DTNA: variants seen among roughly 807,000 people sequenced by gnomAD.
DTNA encodes dystrophin-related protein 3.
DTNA carries 43 observed loss-of-function variants against 100.7 expected under a neutral mutation model. The observed-to-expected ratio is 0.43, with a 90% CI of 0.33 to 0.55. The LOEUF (loss-of-function observed/expected upper bound fraction) is 0.55. DTNA is among the 20% of genes least tolerant of loss of function. The pLI is 0.04. For synonymous variants in DTNA, 349 were observed against 347.9 expected (o/e 1.00, Z -0.04); for missense variants, 798 against 953.9 (o/e 0.84, Z 2.15).
chr18:34,627,250 C>G (rs2057449023), intron 1 of DTNA, among the ~76,000 whole-genome samples: 1 of 151,936 alleles, frequency 6.6e-6, no homozygotes. Context: ...TTGGTCAAAA[C>G]AAACAAACAA....
chr18:34,667,568 A>G (rs1460684081), intron 1 of DTNA, among the ~76,000 whole-genome samples: 1 of 152,144 alleles, frequency 6.6e-6, no homozygotes, highest in Non-Finnish European at 1.5e-5. Flanking sequence ...GTTTGTCATA[A>G]ATAGCTCTTA....
chr18:34,665,644 A>G (rs563727300), intron 1 of DTNA, among the ~76,000 whole-genome samples: 216 of 152,144 alleles, frequency 1.4e-3, no homozygotes, highest in African/African-American at 4.8e-3. Flanking sequence ...TCATTGTTCA[A>G]TTCCCACCTA....
intron 1 of DTNA, among the ~76,000 whole-genome samples, chr18:34,530,340 T>G (rs1025119324): frequency 1.3e-5 from 2 of 152,130 alleles, no homozygotes; most frequent in Admixed American, 1.3e-4. Flanking sequence ...CTGTTCATGC[T>G]CCATCATTCT....
chr18:34,496,594 G>C (rs999329734), intron 1 of DTNA, among the ~76,000 whole-genome samples: 1 of 152,080 alleles, frequency 6.6e-6, no homozygotes, highest in Non-Finnish European at 1.5e-5. Flanking sequence ...CTTTTTTCCA[G>C]GTGTGGGGTG....
rs574185262 is a variant in DTNA, at chr18:34,809,909, T to C, written c.449-2050T>C. Reference sequence around the variant, plus strand: ...CCCTGTGTAATTCCAGGGAGCATCATTGACACAGCTTAGGAGATGAAGGGC... The same window carrying C: ...CCCTGTGTAATTCCAGGGAGCATCACTGACACAGCTTAGGAGATGAAGGGC... On this transcript the variant is annotated intron_variant, in intron 5 of 22. Transcript: ENST00000444659. 5.9e-5 allele frequency among the ~76,000 whole-genome samples: 9 copies of C among 152,326 alleles called. No individual in the cohort carries two copies. The East Asian group carries it at 1.4e-3, about 23-fold the overall frequency.
intron 1 of DTNA, among the ~76,000 whole-genome samples, chr18:34,501,714 A>G (rs1246173721): frequency 6.6e-6 from 1 of 152,108 alleles, no homozygotes; most frequent in East Asian, 1.9e-4. Flanking sequence ...ACAGAAATGT[A>G]TTTCCTCACA....
chr18:34,878,733 T>C (rs961404800), intron 19 of DTNA, among the ~76,000 whole-genome samples: 1 of 152,236 alleles, frequency 6.6e-6, no homozygotes, highest in Admixed American at 6.5e-5. Context: ...ATCCTTTTAA[T>C]ACTACAAAGA....
At chr18:34,563,521 A>C (rs900685418) in intron 1 of DTNA, among the ~76,000 whole-genome samples, 3 of 152,196 alleles carry the variant, frequency 2.0e-5, no homozygotes, top group Admixed American at 1.3e-4. Flanking sequence ...TTTATGTTTT[A>C]AGAGTATTCT....
intron 1 of DTNA, among the ~76,000 whole-genome samples, chr18:34,716,974 A>G (rs1424170410): frequency 2.0e-5 from 3 of 152,324 alleles, no homozygotes; most frequent in Non-Finnish European, 4.4e-5. Flanking sequence ...TAAATAGGGT[A>G]TACATTCCAA....
At chr18:34,724,205 A>G (rs1486746119) in intron 1 of DTNA, among the ~76,000 whole-genome samples, 1 of 152,200 alleles carries the variant, frequency 6.6e-6, no homozygotes, top group Non-Finnish European at 1.5e-5. Context: ...TTGATAAAAG[A>G]TTTTATTTTT....
chr18:34,838,688 C>A, intron 12 of DTNA, 57 bp from the exon 13 acceptor site: 1 of 1,482,464 alleles, frequency 6.7e-7, no homozygotes, highest in Non-Finnish European at 9.4e-7. Flanking sequence ...ACCTCCTCTA[C>A]TTATTTCTGT....
intron 19 of DTNA, 95 bp downstream of exon 19, chr18:34,877,903 C>A: frequency 9.4e-7 from 1 of 1,059,656 alleles, no homozygotes; most frequent in South Asian, 1.3e-5. Flanking sequence ...TGTCTAATAT[C>A]AAAAGATTCT....
intron 15 of DTNA, 110 bp downstream of exon 15, chr18:34,852,038 G>T: frequency 9.5e-7 from 1 of 1,049,550 alleles, no homozygotes; most frequent in East Asian, 2.6e-5. Context: ...GCTACTCAAG[G>T]GAAGACATCT....
chr18:34,841,513 A>G (rs2096268320), intron 13 of DTNA, among the ~76,000 whole-genome samples: 1 of 152,190 alleles, frequency 6.6e-6, no homozygotes, highest in South Asian at 2.1e-4. Flanking sequence ...AGTCTCTTTT[A>G]TCTTATTACA....
intron 2 of DTNA, among the ~76,000 whole-genome samples, chr18:34,761,995 A>G (rs2093203292): frequency 6.6e-6 from 1 of 152,214 alleles, no homozygotes; most frequent in East Asian, 1.9e-4. Context: ...GAAAAAGTAT[A>G]GATTCTTTGG....
chr18:34,708,044 C>A (rs2146379107), upstream of DTNA: 1 of 152,318 alleles, frequency 6.6e-6, no homozygotes, highest in East Asian at 1.9e-4. Context: ...TTTCTGGTAA[C>A]TTCCTGCAAT....
intron 1 of DTNA, among the ~76,000 whole-genome samples, chr18:34,639,140 C>T (rs1472271531): frequency 1.3e-5 from 2 of 152,176 alleles, no homozygotes; most frequent in Admixed American, 1.3e-4. Context: ...TGCTCCTGGC[C>T]CCAGGCATTA....
intron 13 of DTNA, among the ~76,000 whole-genome samples, chr18:34,840,534 A>G (rs903374817): frequency 2.6e-5 from 4 of 152,148 alleles, no homozygotes; most frequent in Admixed American, 2.6e-4. Flanking sequence ...CCTTTTCTTA[A>G]TTAAGGTTGT....
intron 2 of DTNA, 93 bp from the exon 3 acceptor site, chr18:34,765,868 A>G: frequency 8.3e-7 from 1 of 1,199,264 alleles, no homozygotes; most frequent in Non-Finnish European, 1.2e-6. Flanking sequence ...AATTAGGGGT[A>G]AGGATCATAT....
Sources: allele counts gnomAD v4.1 joint callset (sites outside exome capture counted in the v4.1 genomes callset), GRCh38; gene constraint gnomAD v4.1.1; transcripts MANE v1.5; gene names NCBI Gene and HGNC (gene_info 2026-07-23, HGNC 2026-07-21).